PDGFRB: variants seen among roughly 807,000 people sequenced by gnomAD.
PDGFRB encodes the protein platelet-derived growth factor receptor beta.
In PDGFRB, 42 loss-of-function variants were observed where a neutral mutation model predicts 120.2. The ratio of observed to expected loss-of-function variants is 0.35; its 90% CI spans 0.27 to 0.45. PDGFRB has a LOEUF of 0.45. PDGFRB is among the 20% of genes least tolerant of loss of function. The pLI, the probability that PDGFRB is intolerant of heterozygous loss-of-function variation, is 1.00. For synonymous variants in PDGFRB, 586 were observed against 606.8 expected (o/e 0.97, Z 0.50); for missense variants, 1,149 against 1,476.3 (o/e 0.78, Z 3.63).
chr5:150,117,236 C>T (rs1005931703), intron 22 of PDGFRB, among the ~76,000 whole-genome samples: 1 of 152,098 alleles, frequency 6.6e-6, no homozygotes, highest in African/African-American at 2.4e-5. Context: ...AGAACATAGG[C>T]CTCAGGCTGG....
In PDGFRB at chr5:150,124,107, G is replaced by C. The variant is rs2304061; in HGVS notation, c.2023+143C>G. The C allele has an allele frequency of 3.8e-4, 196 of 510,044 alleles. 1 individual carries two copies. The highest frequency in any genetic ancestry group is 6.2e-4 in the Non-Finnish European group (176 of 282,160). The allele number at this position is 510,044 out of a possible 1,614,324, so 31.6% of individuals were successfully genotyped here. On this transcript the variant is annotated intron_variant, in intron 14 of 22. Transcript: ENST00000261799. ...CTAAACCCCACCGCCCTCTGGGACC[G>C]CGCAGTGAGGGCGCTGGAGCGGGTG...
Position 150,124,289 on chromosome 5 carries a change from G to C in PDGFRB, c.1984C>G (p.Leu662Val), listed in dbSNP as rs763366149. The change falls in exon 14 of 23, where the codon CTG becomes GTG. Residue 662 changes from leucine (L) to valine (V), a missense_variant. Around this residue, in one of 3 missense-constraint regions of PDGFRB, gnomAD observed 879 missense variants for 1,108.6 expected, o/e 0.79. Coordinates refer to ENST00000261799, the MANE Select transcript of PDGFRB (RefSeq NM_002609.4). The part of the protein sequence containing the change: ...LKIMSHLGPH[L>V]NVVNLLGACT... ...GCCCCCAACAGGTTGACCACGTTCA[G>C]GTGGGGCCCAAGGTGACTCATGATC... The C allele has an allele frequency of 6.2e-7, 1 of 1,613,952 alleles. No individual in the cohort carries two copies. The highest frequency in any genetic ancestry group is 8.5e-7 in the Non-Finnish European group (1 of 1,179,908).
chr5:150,149,598 A>G (rs1212543497), intron 1 of PDGFRB, among the ~76,000 whole-genome samples: 1 of 152,200 alleles, frequency 6.6e-6, no homozygotes, highest in Non-Finnish European at 1.5e-5. Flanking sequence ...CTATCCATTC[A>G]GCAGATAGGC....
chr5:150,125,336 C>T, intron 12 of PDGFRB, 109 bp downstream of exon 12: 3 of 907,730 alleles, frequency 3.3e-6, no homozygotes, highest in Non-Finnish European at 4.9e-6. Flanking sequence ...GGCAAGACAC[C>T]AGCCCTAGGT....
At chr5:150,130,487 C>A in intron 9 of PDGFRB, 52 bp downstream of exon 9, 1 of 1,583,498 alleles carries the variant, frequency 6.3e-7, no homozygotes, top group East Asian at 2.2e-5. Flanking sequence ...CCTTCACGAG[C>A]TTTTTCTAGC....
At position 150,150,873 on chromosome 5, in the gene PDGFRB, A is replaced by C. The variant is rs187667379; in HGVS notation, c.-7+4524T>G. On this transcript the variant is annotated intron_variant, in intron 1 of 22. Coordinates refer to ENST00000261799, the MANE Select transcript of PDGFRB (RefSeq NM_002609.4). ...TAGAGCATATGAGGTTTGAAAACGC[A>C]GCACTGGAAGAGACCTAAAGGGTTA... Among the ~76,000 whole-genome samples, 323 of 152,232 alleles carry C rather than the reference A, an allele frequency of 2.1e-3. 1 individual carries two copies. The highest frequency in any genetic ancestry group is 7.6e-3 in the African/African-American group (316 of 41,540).
rs760245920 is a variant in PDGFRB, at chr5:150,134,015, G to A, written c.632-7C>T. On this transcript the variant is annotated splice_polypyrimidine_tract_variant and splice_region_variant and intron_variant, in intron 4 of 22. Transcript: ENST00000261799. The stretch of plus-strand genomic sequence containing the variant: ...GAGACGTTGATGGATGACACTGGTA[G>A]AGAGAGATTGGCTTAGGTCTGGGGA... 6.2e-6 allele frequency: 10 copies of A among 1,613,910 alleles called. No homozygotes were observed. The Admixed American group carries it at 1.7e-4, about 27-fold the overall frequency.
intron 10 of PDGFRB, among the ~76,000 whole-genome samples, chr5:150,129,064 T>C (rs763936354): frequency 6.6e-6 from 1 of 152,236 alleles, no homozygotes; most frequent in Non-Finnish European, 1.5e-5. Context: ...TGCTAACAGA[T>C]GTACATTGTA....
intron 1 of PDGFRB, among the ~76,000 whole-genome samples, chr5:150,145,741 AT>A (rs1249342948): frequency 2.0e-5 from 3 of 152,158 alleles, no homozygotes; most frequent in African/African-American, 4.8e-5. Context: ...ATAAAAAAAA[AT>A]AAAAGTTAAT....
intron 1 of PDGFRB, among the ~76,000 whole-genome samples, chr5:150,151,506 C>A (rs1438285533): frequency 1.3e-5 from 2 of 152,230 alleles, no homozygotes; most frequent in Non-Finnish European, 2.9e-5. Flanking sequence ...CCCAGCTCCG[C>A]CACTTCCGAG....
intron 1 of PDGFRB, among the ~76,000 whole-genome samples, chr5:150,141,977 G>C (rs79913727): frequency 1.3e-5 from 2 of 152,030 alleles, no homozygotes; most frequent in African/African-American, 4.8e-5. Flanking sequence ...TGCAGGGAGA[G>C]GGGGGTGCTG....
intron 1 of PDGFRB, among the ~76,000 whole-genome samples, chr5:150,139,026 T>C (rs975473324): frequency 3.9e-5 from 6 of 152,168 alleles, no homozygotes; most frequent in East Asian, 1.9e-4. Context: ...TGGGCCTTCA[T>C]GGCATGCAGC....
intron 4 of PDGFRB, 94 bp downstream of exon 4, chr5:150,134,656 G>A: frequency 1.7e-6 from 2 of 1,151,174 alleles, no homozygotes; most frequent in African/African-American, 1.6e-5. Context: ...CCACTGGGAA[G>A]TGGAGTCCCA....
chr5:150,126,406 T>G lies in PDGFRB; in HGVS notation c.1674+114A>C, dbSNP rs55640920. ...GTCACAAGTCCCCACCTGAGTTCCA[T>G]GCTGAGCCCTGCATGTGGCCAGATC... On this transcript the variant is annotated intron_variant, in intron 11 of 22. Transcript: ENST00000261799. 1,956 of 718,662 alleles carry G rather than the reference T, an allele frequency of 2.7e-3. 7 individuals are homozygous for G. The highest frequency in any genetic ancestry group is 3.6e-3 in the Non-Finnish European group (1,427 of 395,228). 44.5% of individuals were successfully genotyped at this position (718,662 alleles called of 1,614,324 possible).
At chr5:150,143,646 C>A (rs1162236256) in intron 1 of PDGFRB, among the ~76,000 whole-genome samples, 2 of 152,090 alleles carry the variant, frequency 1.3e-5, no homozygotes, top group African/African-American at 4.8e-5. Context: ...TGGCTGTCCC[C>A]AAGCAGGCTG....
intron 21 of PDGFRB, 90 bp from the exon 22 acceptor site, chr5:150,117,940 G>A: frequency 1.4e-6 from 1 of 715,022 alleles, no homozygotes; most frequent in Non-Finnish European, 2.4e-6. Flanking sequence ...ATCCCCCTTT[G>A]TATAAATAAG....
chr5:150,129,751 A>T lies in PDGFRB; in HGVS notation c.1579+6T>A. Reference sequence around the variant, plus strand: ...TCGTCAGGGGCCACTGAGGCTGGGGACTCACAGTGTGGCACCACGATGACC... The same window carrying T: ...TCGTCAGGGGCCACTGAGGCTGGGGTCTCACAGTGTGGCACCACGATGACC... On this transcript the variant is annotated splice_donor_region_variant and intron_variant, in intron 10 of 22. Transcript: ENST00000261799. 1 of 1,606,914 alleles carries T rather than the reference A, an allele frequency of 6.2e-7. No individual in the cohort carries two copies. The highest frequency in any genetic ancestry group is 8.5e-7 in the Non-Finnish European group (1 of 1,175,122).
At chr5:150,117,542 G>GCGCGCGCA (rs1554107286) in intron 22 of PDGFRB, 76 bp downstream of exon 22, 39 of 463,368 alleles carry the variant, frequency 8.4e-5, no homozygotes, top group East Asian at 3.1e-4. Context: ...GCGCGCGCGC[G>GCGCGCGCA]CGCACACACA....
In PDGFRB at chr5:150,114,927, A is replaced by C; in HGVS notation, c.*836T>G. ...TGGCACACACACGTGGCCACTCCAC[A>C]CTGGCACATTTACATTCTCATCACA... On this transcript the variant is annotated 3_prime_UTR_variant, in exon 23 of 23. Transcript: ENST00000261799. The C allele has an allele frequency of 4.3e-6, 1 of 233,278 alleles. No homozygotes were observed. The highest frequency in any genetic ancestry group is 8.5e-6 in the Non-Finnish European group (1 of 118,058). 14.5% of individuals were successfully genotyped at this position (233,278 alleles called of 1,614,324 possible).
Sources: gnomAD v4.1 joint callset for allele counts (sites outside exome capture counted in the v4.1 genomes callset) on GRCh38, gnomAD v4.1.1 for gene constraint, gnomAD v4.1.1 regional missense constraint, MANE v1.5 for transcripts, NCBI Gene and HGNC (gene_info 2026-07-23, HGNC 2026-07-21) for gene names.